SLC35F1: variants seen among roughly 807,000 people sequenced by gnomAD.
SLC35F1 encodes solute carrier family 35 member F1, also known as chromosome 6 open reading frame 169.
In SLC35F1, 14 loss-of-function variants were observed where a neutral mutation model predicts 48.7. The ratio of observed to expected loss-of-function variants is 0.29; its 90% CI spans 0.19 to 0.45. SLC35F1 has a LOEUF of 0.45. Among genes scored for constraint, SLC35F1 ranks in the 20% least tolerant of loss-of-function variants. SLC35F1 has a pLI of 1.00. For missense variants in SLC35F1, 404 were observed against 500.0 expected (o/e 0.81, Z 1.83); for synonymous variants, 190 against 202.2 (o/e 0.94, Z 0.51).
At chr6:118,140,900 T>C (rs1773879801) in intron 1 of SLC35F1, among the ~76,000 whole-genome samples, 1 of 152,240 alleles carries the variant, frequency 6.6e-6, no homozygotes, top group African/African-American at 2.4e-5. Flanking sequence ...AGAAAATATT[T>C]TTCTATAGCT....
chr6:117,998,179 G>A (rs1777029130), intron 1 of SLC35F1, among the ~76,000 whole-genome samples: 1 of 148,716 alleles, frequency 6.7e-6, no homozygotes, highest in African/African-American at 2.5e-5. Flanking sequence ...AGACAAAGAA[G>A]GCCATTACAT....
intron 1 of SLC35F1, among the ~76,000 whole-genome samples, chr6:117,983,728 TAA>T (rs1434567827): frequency 6.6e-6 from 1 of 152,190 alleles, no homozygotes; most frequent in Non-Finnish European, 1.5e-5. Context: ...GATAAAATAA[TAA>T]AAACCCATTT....
chr6:117,968,758 G>T (rs1031829023), intron 1 of SLC35F1, among the ~76,000 whole-genome samples: 8 of 152,124 alleles, frequency 5.3e-5, no homozygotes, highest in African/African-American at 1.9e-4. Context: ...GGGTCCCTGA[G>T]ATTCTGATTC....
intron 2 of SLC35F1, among the ~76,000 whole-genome samples, chr6:118,211,636 A>T (rs758046565): frequency 6.6e-5 from 10 of 152,228 alleles, no homozygotes; most frequent in Non-Finnish European, 1.3e-4. Context: ...AGGAGAGTTT[A>T]TGCCAAGAAT....
intron 1 of SLC35F1, among the ~76,000 whole-genome samples, chr6:117,947,814 T>C (rs1776314304): frequency 6.6e-6 from 1 of 152,114 alleles, no homozygotes; most frequent in South Asian, 2.1e-4. Context: ...TATAGGAGTC[T>C]GGAGCCTGAG....
chr6:118,196,730 A>T (rs1478499138), intron 2 of SLC35F1, among the ~76,000 whole-genome samples: 2 of 152,160 alleles, frequency 1.3e-5, no homozygotes, highest in Non-Finnish European at 2.9e-5. Flanking sequence ...CTCAAAAAAA[A>T]TAAATTAAAT....
intron 1 of SLC35F1, among the ~76,000 whole-genome samples, chr6:118,092,321 C>G (rs912520353): frequency 1.3e-5 from 2 of 152,084 alleles, no homozygotes; most frequent in African/African-American, 4.8e-5. Flanking sequence ...TGGTGTTGAG[C>G]CTGTAGGAAT....
At chr6:118,125,377 G>T (rs182237864) in intron 1 of SLC35F1, among the ~76,000 whole-genome samples, 1 of 36,756 alleles carries the variant, frequency 2.7e-5, no homozygotes, top group South Asian at 1.4e-3. Flanking sequence ...ATGGTATTTT[G>T]GGGGGGGGGA....
chr6:117,998,148 T>G (rs1204477759), intron 1 of SLC35F1, among the ~76,000 whole-genome samples: 2 of 149,556 alleles, frequency 1.3e-5, no homozygotes, highest in Admixed American at 1.3e-4. Context: ...AAACAGACTT[T>G]AAACCAACAA....
intron 1 of SLC35F1, among the ~76,000 whole-genome samples, chr6:118,042,649 T>A (rs1562272538): frequency 6.6e-6 from 1 of 152,274 alleles, no homozygotes; most frequent in Middle Eastern, 3.4e-3. Context: ...GTATGGAGGA[T>A]GATCTTGAAT....
At chr6:117,957,423 A>C (rs1406627534) in intron 1 of SLC35F1, among the ~76,000 whole-genome samples, 1 of 152,258 alleles carries the variant, frequency 6.6e-6, no homozygotes, top group Non-Finnish European at 1.5e-5. Flanking sequence ...AAGAATTTTC[A>C]GAATAGTTTC....
chr6:118,002,658 AAAT>A (rs1321216294), intron 1 of SLC35F1, among the ~76,000 whole-genome samples: 3 of 152,036 alleles, frequency 2.0e-5, no homozygotes, highest in Admixed American at 6.6e-5. Context: ...TTTCTAGTTT[AAAT>A]AATAATTTTT....
chr6:118,104,052 C>T (rs1022010458), intron 1 of SLC35F1, among the ~76,000 whole-genome samples: 4 of 152,076 alleles, frequency 2.6e-5, no homozygotes, highest in African/African-American at 7.2e-5. Flanking sequence ...TGCATGCCAG[C>T]TCAGAAATAT....
intron 3 of SLC35F1, among the ~76,000 whole-genome samples, chr6:118,246,898 T>C (rs1456413605): frequency 1.3e-5 from 2 of 152,196 alleles, no homozygotes; most frequent in Non-Finnish European, 2.9e-5. Flanking sequence ...TCCTACTAAG[T>C]GACTTTTAAC....
chr6:118,277,657 G>A, intron 6 of SLC35F1, 111 bp downstream of exon 6: 6 of 897,970 alleles, frequency 6.7e-6, no homozygotes, highest in East Asian at 4.8e-5. Flanking sequence ...AGTGGTAGGG[G>A]ACAAGGGAAA....
intron 1 of SLC35F1, among the ~76,000 whole-genome samples, chr6:117,923,651 G>GTATATATA (rs1554216680): frequency 5.7e-5 from 1 of 17,502 alleles, no homozygotes; most frequent in Non-Finnish European, 8.5e-5. Context: ...ATGTACATAT[G>GTATATATA]TACATATGTA....
chr6:118,309,202 T>TGC (rs1431749035), intron 7 of SLC35F1, among the ~76,000 whole-genome samples: 53 of 149,596 alleles, frequency 3.5e-4, no homozygotes, highest in African/African-American at 1.2e-3. Context: ...TGTGTGTGTG[T>TGC]GCGTGTGTGT....
At chr6:118,162,068 A>G (rs205957) in intron 2 of SLC35F1, among the ~76,000 whole-genome samples, 114,055 of 152,118 alleles carry the variant, frequency 0.75, 43,068 homozygotes, top group African/African-American at 0.84. Flanking sequence ...ACATACAAAT[A>G]CTCATTGCAT....
intron 7 of SLC35F1, among the ~76,000 whole-genome samples, chr6:118,291,855 C>T (rs1415459645): frequency 6.6e-6 from 1 of 152,106 alleles, no homozygotes; most frequent in East Asian, 1.9e-4. Context: ...CGGTGGCACA[C>T]ACCTGAAATC....
Sources: allele counts gnomAD v4.1 joint callset (sites outside exome capture counted in the v4.1 genomes callset), GRCh38; gene constraint gnomAD v4.1.1; transcripts MANE v1.5; gene names NCBI Gene and HGNC (gene_info 2026-07-23, HGNC 2026-07-21).